GRIA4: variants seen among roughly 807,000 people sequenced by gnomAD.
GRIA4 encodes glutamate receptor 4.
A neutral mutation model predicts 104.0 loss-of-function variants in GRIA4; 34 were observed. That is an observed-to-expected ratio of 0.33 (90% CI 0.25 to 0.44). GRIA4 has a LOEUF of 0.44. GRIA4 is among the 20% of genes least tolerant of loss of function. The pLI is 1.00. For synonymous variants in GRIA4, 386 were observed against 381.9 expected, an observed-to-expected ratio of 1.01 and a Z score of -0.13; for missense variants, 750 against 1,096.5, an observed-to-expected ratio of 0.68 and a Z score of 4.46.
chr11:105,822,697 T>C (rs935370583), intron 4 of GRIA4, among the ~76,000 whole-genome samples: 2 of 152,158 alleles, frequency 1.3e-5, no homozygotes, highest in African/African-American at 2.4e-5. Flanking sequence ...TAATTATCCT[T>C]GTGGTATGTT....
At chr11:105,924,332 A>G (rs780410738) in intron 11 of GRIA4, 67 bp from the exon 12 acceptor site, 126 of 1,197,360 alleles carry the variant, frequency 1.1e-4, no homozygotes, top group Non-Finnish European at 1.4e-4. Context: ...TAAATGGATC[A>G]TTCCAGTGCT....
intron 4 of GRIA4, among the ~76,000 whole-genome samples, chr11:105,814,607 G>A (rs535905052): frequency 6.6e-6 from 1 of 152,208 alleles, no homozygotes; most frequent in South Asian, 2.1e-4. Flanking sequence ...AAAATGCGTA[G>A]TAGAGTGACA....
chr11:105,969,073 G>T (rs980583490), intron 14 of GRIA4, among the ~76,000 whole-genome samples: 2 of 152,132 alleles, frequency 1.3e-5, no homozygotes, highest in African/African-American at 4.8e-5. Flanking sequence ...AAATTATTTT[G>T]TAAGTGTTAT....
intron 4 of GRIA4, among the ~76,000 whole-genome samples, chr11:105,798,402 G>T (rs1363356696): frequency 6.6e-6 from 1 of 152,146 alleles, no homozygotes; most frequent in African/African-American, 2.4e-5. Context: ...CTTCTTTACA[G>T]TGTTTCAGGG....
At chr11:105,794,613 T>A (rs550616749) in intron 4 of GRIA4, among the ~76,000 whole-genome samples, 51 of 145,226 alleles carry the variant, frequency 3.5e-4, no homozygotes, top group African/African-American at 1.2e-3. Flanking sequence ...CATATATATA[T>A]ATAGAGAGAG....
intron 3 of GRIA4, among the ~76,000 whole-genome samples, chr11:105,637,952 T>C (rs1951252669): frequency 1.3e-5 from 2 of 152,302 alleles, no homozygotes; most frequent in East Asian, 1.9e-4. Flanking sequence ...ATTTCATTCA[T>C]TTATTTTTAA....
chr11:105,640,535 T>C (rs568684183), intron 3 of GRIA4, among the ~76,000 whole-genome samples: 1 of 152,076 alleles, frequency 6.6e-6, no homozygotes, highest in South Asian at 2.1e-4. Context: ...CATTTTCCCA[T>C]TGGATATTAT....
chr11:105,950,982 T>C (rs1430508302), intron 14 of GRIA4, among the ~76,000 whole-genome samples: 3 of 152,188 alleles, frequency 2.0e-5, no homozygotes, highest in Non-Finnish European at 4.4e-5. Flanking sequence ...TGGACTTTGA[T>C]GGACAAGTCA....
intron 3 of GRIA4, among the ~76,000 whole-genome samples, chr11:105,645,027 C>G (rs921113450): frequency 1.3e-5 from 2 of 152,122 alleles, no homozygotes; most frequent in East Asian, 1.9e-4. Flanking sequence ...ACCTCCACCC[C>G]ACTCCCAGCC....
chr11:105,626,089 C>A (rs1166597497), intron 3 of GRIA4, among the ~76,000 whole-genome samples: 1 of 151,984 alleles, frequency 6.6e-6, no homozygotes, highest in Non-Finnish European at 1.5e-5. Flanking sequence ...TCCGTGTGGG[C>A]AGTTACATGT....
chr11:105,735,468 A>G (rs974345162), intron 3 of GRIA4, among the ~76,000 whole-genome samples: 1 of 152,194 alleles, frequency 6.6e-6, no homozygotes, highest in Admixed American at 6.6e-5. Context: ...TTCATAAAAT[A>G]TAGTTTAAAT....
At chr11:105,903,526 C>T (rs1265427614) in intron 7 of GRIA4, among the ~76,000 whole-genome samples, 1 of 152,102 alleles carries the variant, frequency 6.6e-6, no homozygotes, top group Non-Finnish European at 1.5e-5. Flanking sequence ...AAAGGCCTTG[C>T]CTAGGGGTCT....
intron 3 of GRIA4, among the ~76,000 whole-genome samples, chr11:105,711,660 T>A (rs573029360): frequency 9.2e-5 from 14 of 152,262 alleles, no homozygotes; most frequent in Admixed American, 4.6e-4. Flanking sequence ...TGAAATTACA[T>A]GAATGGTGAC....
At chr11:105,826,876 T>C (rs1321425533) in intron 4 of GRIA4, among the ~76,000 whole-genome samples, 1 of 152,018 alleles carries the variant, frequency 6.6e-6, no homozygotes, top group East Asian at 1.9e-4. Flanking sequence ...TTTGACCCTA[T>C]TTCCTATTCT....
At chr11:105,821,406 C>T (rs1207108692) in intron 4 of GRIA4, among the ~76,000 whole-genome samples, 1 of 151,960 alleles carries the variant, frequency 6.6e-6, no homozygotes, top group African/African-American at 2.4e-5. Context: ...TTAATTGGCT[C>T]ATGGTTCTAC....
intron 12 of GRIA4, among the ~76,000 whole-genome samples, chr11:105,925,532 T>C (rs1947681989): frequency 6.6e-6 from 1 of 152,182 alleles, no homozygotes; most frequent in Non-Finnish European, 1.5e-5. Flanking sequence ...CACAAATATA[T>C]GGATTTCTTT....
At chr11:105,830,178 T>C (rs955338573) in intron 4 of GRIA4, among the ~76,000 whole-genome samples, 1 of 151,982 alleles carries the variant, frequency 6.6e-6, no homozygotes, top group Non-Finnish European at 1.5e-5. Flanking sequence ...GTTTTCTAAA[T>C]GGGCAGTGAG....
chr11:105,726,135 C>T (rs1426117089), intron 3 of GRIA4, among the ~76,000 whole-genome samples: 1 of 152,148 alleles, frequency 6.6e-6, no homozygotes, highest in East Asian at 1.9e-4. Context: ...AAGCTAAGAT[C>T]CACTGGCTTG....
At chr11:105,633,802 AT>A (rs1401225987) in intron 3 of GRIA4, among the ~76,000 whole-genome samples, 25 of 152,164 alleles carry the variant, frequency 1.6e-4, no homozygotes, top group Admixed American at 1.6e-3. Context: ...CCAGTTTACT[AT>A]TTACAAAACT....
Sources: allele counts gnomAD v4.1 joint callset (sites outside exome capture counted in the v4.1 genomes callset), GRCh38; gene constraint gnomAD v4.1.1; transcripts MANE v1.5; gene names NCBI Gene and HGNC (gene_info 2026-07-23, HGNC 2026-07-21).